Variants in SLC25A17 observed in about 807,000 individuals in gnomAD.
SLC25A17 encodes the protein peroxisomal membrane protein PMP34.
Under a neutral mutation model 38.5 loss-of-function variants are expected in SLC25A17, and 26 were observed. The ratio of observed to expected loss-of-function variants is 0.68; its 90% CI spans 0.50 to 0.94. The LOEUF (loss-of-function observed/expected upper bound fraction) is 0.94. SLC25A17 is among the 40% of genes least tolerant of loss of function. SLC25A17 has a pLI of 0.00. For missense variants in SLC25A17, 333 were observed against 372.7 expected, an observed-to-expected ratio of 0.89 and a Z score of 0.88; for synonymous variants, 139 against 136.2, an observed-to-expected ratio of 1.02 and a Z score of -0.14.
chr22:40,814,781 A>G (rs2145713060), intron 1 of SLC25A17, among the ~76,000 whole-genome samples: 1 of 70,104 alleles, frequency 1.4e-5, no homozygotes, highest in African/African-American at 7.1e-5. Flanking sequence ...ATATATATAT[A>G]TATATATATT....
In SLC25A17 at chr22:40,770,847, G is replaced by T. The variant is rs747284478; in HGVS notation, c.911C>A (p.Ala304Glu). ...TGGGAAGGCGTCTCAGTGTTGGTGT[G>T]CACGCTTCAGCCCCATAACTGTGAA... ...ATFTVMGLKRAHQH is the reference protein window; with the variant it reads ...ATFTVMGLKREHQH The change falls in exon 9 of 9, where the codon GCA (alanine) becomes GAA (glutamate). Residue 304 changes from alanine to glutamate, a missense_variant. Transcript: ENST00000435456. 4.3e-6 allele frequency: 7 copies of T among 1,610,366 alleles called. No homozygotes were observed. The highest frequency in any genetic ancestry group is 5.9e-6 in the Non-Finnish European group (7 of 1,177,818).
At chr22:40,801,775 C>T (rs2057486491) in intron 1 of SLC25A17, among the ~76,000 whole-genome samples, 1 of 152,192 alleles carries the variant, frequency 6.6e-6, no homozygotes, top group South Asian at 2.1e-4. Context: ...TTTTCTATCG[C>T]ATGGTACTGC....
intron 1 of SLC25A17, among the ~76,000 whole-genome samples, chr22:40,818,241 C>T (rs968518099): frequency 3.9e-5 from 6 of 152,014 alleles, no homozygotes; most frequent in African/African-American, 1.5e-4. Flanking sequence ...TGAGAAAAGG[C>T]AGTCAAAGAG....
At chr22:40,818,098 T>G (rs2057660299) in intron 1 of SLC25A17, among the ~76,000 whole-genome samples, 2 of 152,348 alleles carry the variant, frequency 1.3e-5, no homozygotes, top group South Asian at 4.1e-4. Context: ...TAGGGTTAAA[T>G]CCAGATTAGT....
At chr22:40,776,118 C>A in intron 7 of SLC25A17, 1 of 279,772 alleles carries the variant, frequency 3.6e-6, no homozygotes, top group Non-Finnish European at 7.0e-6. Flanking sequence ...CCACCATGCC[C>A]CTCTCCAGTA....
intron 1 of SLC25A17, 55 bp downstream of exon 1, chr22:40,819,140 G>A: frequency 6.3e-7 from 1 of 1,583,216 alleles, no homozygotes; most frequent in South Asian, 1.1e-5. Context: ...CCCGGGACTG[G>A]CCCCCGAGAA....
At chr22:40,779,157 A>C (rs759004122) in intron 4 of SLC25A17, 32 bp from the exon 5 acceptor site, 2 of 1,613,992 alleles carry the variant, frequency 1.2e-6, no homozygotes, top group Non-Finnish European at 1.7e-6. Flanking sequence ...GAAAAAGGGA[A>C]GGCAAAATGT....
intron 4 of SLC25A17, chr22:40,779,905 T>TA (rs3838161): frequency 0.35 from 52,347 of 151,666 alleles, 9,434 homozygotes; most frequent in East Asian, 0.67. Flanking sequence ...CTGAAATGAT[T>TA]AAAAAAAAAT....
rs550979135 is a variant in SLC25A17 at position 40,769,943 on chromosome 22, G to A, written c.*891C>T. ...CCAGATGTTTATTTTCAAAATATAC[G>A]GCCTACACCAAGTTTATAAAGGGAG... On this transcript the variant is annotated 3_prime_UTR_variant, in exon 9 of 9. Transcript: ENST00000435456. 9 of 152,160 alleles carry A rather than the reference G, an allele frequency of 5.9e-5. No individual in the cohort carries two copies. In the South Asian group the frequency reaches 8.3e-4, roughly 14 times the overall value. 9.4% of individuals were successfully genotyped at this position (152,160 alleles called of 1,614,324 possible).
chr22:40,777,437 ATGAATTCTGT>A (rs1436528939), intron 5 of SLC25A17, 64 bp from the exon 6 acceptor site: 21 of 1,520,996 alleles, frequency 1.4e-5, no homozygotes, highest in Non-Finnish European at 1.8e-5. Flanking sequence ...AGAAGACAAC[ATGAATTCTGT>A]TGAAATGTAC....
At position 40,792,524 on chromosome 22, in the gene SLC25A17, C is replaced by T. The variant is rs760345797; in HGVS notation, c.334+1G>A. The T allele has an allele frequency of 6.2e-7, 1 of 1,601,538 alleles. No homozygotes were observed. The highest frequency in any genetic ancestry group is 1.1e-5 in the South Asian group (1 of 89,082). On this transcript the variant is annotated splice_donor_variant, in intron 4 of 8. Coordinates refer to ENST00000435456, the MANE Select transcript of SLC25A17 (RefSeq NM_006358.4). LOFTEE classifies it high-confidence loss of function. ...ATTTTATACCCAGAAAACCTTGTTACCTGCAACAAACCCAACTACCAGATC... is the reference window on the plus strand; with the variant it reads ...ATTTTATACCCAGAAAACCTTGTTATCTGCAACAAACCCAACTACCAGATC...
intron 1 of SLC25A17, among the ~76,000 whole-genome samples, chr22:40,815,942 T>C (rs552122500): frequency 2.2e-4 from 33 of 152,278 alleles, no homozygotes; most frequent in African/African-American, 6.7e-4. Flanking sequence ...ATCCCAGCAC[T>C]TTGGGAGGCC....
At chr22:40,783,069 A>C (rs568739480) in intron 4 of SLC25A17, among the ~76,000 whole-genome samples, 2 of 152,208 alleles carry the variant, frequency 1.3e-5, no homozygotes, top group Non-Finnish European at 2.9e-5. Flanking sequence ...TTATTATAAA[A>C]ATATGTACAT....
intron 2 of SLC25A17, chr22:40,797,295 T>G (rs1433909822): frequency 6.9e-6 from 9 of 1,297,388 alleles, no homozygotes; most frequent in Middle Eastern, 2.1e-4. Flanking sequence ...CATCTCTTCA[T>G]GCAAGTTCTG....
rs763516617 is a variant in SLC25A17, at chr22:40,770,868, G to A, written c.890C>T (p.Thr297Ile). 3 of 1,613,376 alleles carry A rather than the reference G, an allele frequency of 1.9e-6. No individual in the cohort carries two copies. The highest frequency in any genetic ancestry group is 1.7e-4 in the Middle Eastern group (1 of 6,058). Residue 297 changes from threonine (T) to isoleucine (I), a missense_variant, in exon 9 of 9, where the codon ACA becomes ATA. Transcript: ENST00000435456. ...VYEKLTAATF[T>I]VMGLKRAHQH is the part of the protein sequence containing the mutation. ...GTGTGCACGCTTCAGCCCCATAACTGTGAAGGTGGCAGCTGTCAGTTTCTC... is the reference window on the plus strand; with the variant it reads ...GTGTGCACGCTTCAGCCCCATAACTATGAAGGTGGCAGCTGTCAGTTTCTC...
At chr22:40,771,740 G>A (rs1052350103) in intron 8 of SLC25A17, among the ~76,000 whole-genome samples, 3 of 152,120 alleles carry the variant, frequency 2.0e-5, no homozygotes, top group African/African-American at 7.2e-5. Context: ...GGAAGGTGGG[G>A]ATGGTTAATA....
At chr22:40,812,529 G>A (rs1288886136) in intron 1 of SLC25A17, among the ~76,000 whole-genome samples, 1 of 152,134 alleles carries the variant, frequency 6.6e-6, no homozygotes, top group Non-Finnish European at 1.5e-5. Flanking sequence ...ATCACCAAAT[G>A]TGACTGACTG....
chr22:40,814,804 G>GTT (rs1555884028), intron 1 of SLC25A17, among the ~76,000 whole-genome samples: 2 of 141,438 alleles, frequency 1.4e-5, no homozygotes, highest in African/African-American at 5.3e-5. Context: ...TGTTGTTGTT[G>GTT]TTGTTTTGTT....
chr22:40,792,822 C>T, intron 3 of SLC25A17, 146 bp from the exon 4 acceptor site: 1 of 623,346 alleles, frequency 1.6e-6, no homozygotes, highest in South Asian at 2.8e-5. Flanking sequence ...GTACACACAC[C>T]TCACATTCTG....
Sources: allele counts gnomAD v4.1 joint callset (sites outside exome capture counted in the v4.1 genomes callset), GRCh38; gene constraint gnomAD v4.1.1; transcripts MANE v1.5; gene names NCBI Gene and HGNC (gene_info 2026-07-23, HGNC 2026-07-21).